Variants in LOXHD1 observed in about 807,000 individuals in gnomAD.
LOXHD1 encodes the protein lipoxygenase homology PLAT domains 1, also known as lipoxygenase homology domain-containing protein 1.
Under a neutral mutation model 248.2 loss-of-function variants are expected in LOXHD1, and 205 were observed. The ratio of observed to expected loss-of-function variants is 0.83; its 90% CI spans 0.74 to 0.93. LOXHD1 has a LOEUF of 0.93. LOXHD1 is among the 40% of genes least tolerant of loss of function. LOXHD1 has a pLI of 0.00. For missense variants in LOXHD1, 2,930 were observed against 2,971.6 expected (o/e 0.99, Z 0.33); for synonymous variants, 1,113 against 1,162.8 (o/e 0.96, Z 0.87).
In LOXHD1 at chr18:46,563,052, C is replaced by T. The variant is rs771082918; in HGVS notation, c.2598+13G>A. 1.2e-5 allele frequency: 18 copies of T among 1,530,042 alleles called. No individual in the cohort carries two copies. Among genetic ancestry groups the T allele is most frequent in the South Asian group, 4.8e-5 (4 of 83,366 alleles). 94.8% of individuals were successfully genotyped at this position (1,530,042 alleles called of 1,614,324 possible). A position where few individuals can be genotyped will look rare whatever the true frequency, so the allele number is the denominator to read the frequency against. ...GCCTGCTGTTGGCACCCCCGCTCCT[C>T]GACCCCACATACCTGGAATGTGTCC... On this transcript the variant is annotated intron_variant, in intron 18 of 40. Transcript: ENST00000642948.
chr18:46,655,377 A>C (rs1237666110), intron 1 of LOXHD1, among the ~76,000 whole-genome samples: 1 of 152,202 alleles, frequency 6.6e-6, no homozygotes, highest in Non-Finnish European at 1.5e-5. Flanking sequence ...TTATGGCCAC[A>C]CTGAGGCATG....
chr18:46,492,829 A>C (rs983748009), intron 37 of LOXHD1, among the ~76,000 whole-genome samples: 2 of 152,336 alleles, frequency 1.3e-5, no homozygotes, highest in Admixed American at 1.3e-4. Flanking sequence ...CATTGAATGC[A>C]CGTATCACCA....
intron 12 of LOXHD1, among the ~76,000 whole-genome samples, chr18:46,589,873 G>A (rs1184971106): frequency 1.3e-5 from 2 of 152,054 alleles, no homozygotes; most frequent in Non-Finnish European, 2.9e-5. Context: ...AGGTTCTTAG[G>A]GGAAAGTCAT....
Position 46,560,210 on chromosome 18 carries a change from C to A in LOXHD1, c.2934G>T (p.Glu978Asp). The A allele has an allele frequency of 6.4e-7, 1 of 1,551,902 alleles. No homozygotes were observed. Among genetic ancestry groups the A allele is most frequent in the Non-Finnish European group, 8.7e-7 (1 of 1,147,044 alleles). Residue 978 changes from glutamate to aspartate, a missense_variant, in exon 19 of 41, where the codon GAG (glutamate) becomes GAT (aspartate). Physicochemically the swap from Glu to Asp is conservative, Grantham distance 45. Coordinates refer to ENST00000642948, the MANE Select transcript of LOXHD1 (RefSeq NM_001384474.1). Reference protein sequence around the residue: ...EEMEEEEEEEEFGPGMQEVIE... With the variant: ...EEMEEEEEEEDFGPGMQEVIE... ...TCACCTCCTGCATCCCCGGCCCAAA[C>A]TCCTCCTCTTCCTCCTCTTCTTCCA... is the stretch of plus-strand genomic sequence containing the variant.
At chr18:46,644,668 G>A (rs75363245) in intron 2 of LOXHD1, among the ~76,000 whole-genome samples, 1,687 of 152,152 alleles carry the variant, frequency 0.011, 25 homozygotes, top group African/African-American at 0.039. Flanking sequence ...CAGTGAGTGA[G>A]CCTTGATCTT....
chr18:46,564,751 AG>A (rs2144048231), intron 17 of LOXHD1, among the ~76,000 whole-genome samples: 1 of 152,250 alleles, frequency 6.6e-6, no homozygotes, highest in Non-Finnish European at 1.5e-5. Context: ...TTATAAAATG[AG>A]GGAAGGAGTT....
At chr18:46,506,158 G>A (rs1197364172) in intron 36 of LOXHD1, 135 bp from the exon 37 acceptor site, 1 of 878,992 alleles carries the variant, frequency 1.1e-6, no homozygotes, top group African/African-American at 1.7e-5. Flanking sequence ...GAAGGCCAGG[G>A]GTGAGGTTGG....
In LOXHD1 at chr18:46,591,970, C is replaced by T. The variant is rs143142227; in HGVS notation, c.1617G>A (p.Met539Ile). The change falls in exon 12 of 41, where the codon ATG becomes ATA. Residue 539 changes from methionine (M) to isoleucine (I), a missense_variant. Coordinates refer to ENST00000642948, the MANE Select transcript of LOXHD1 (RefSeq NM_001384474.1). The part of the protein sequence containing the change: ...NEDDNEIVRE[M>I]TAEGPTVRRI... ...TGCGCACTGTTGGGCCTTCTGCAGT[C>T]ATTTCCCTCACTATCTCATTGTCAT... 430 of 1,552,012 alleles carry T rather than the reference C, an allele frequency of 2.8e-4. 2 individuals are homozygous for T. In the African/African-American group the frequency reaches 5.3e-3, roughly 19 times the overall value.
At chr18:46,651,704 G>A (rs2039114243) in intron 1 of LOXHD1, among the ~76,000 whole-genome samples, 1 of 151,158 alleles carries the variant, frequency 6.6e-6, no homozygotes, top group African/African-American at 2.4e-5. Flanking sequence ...CGAGAGAAAG[G>A]CAAGCCAGAG....
intron 19 of LOXHD1, 31 bp downstream of exon 19, chr18:46,560,052 T>TACCCCCCCCCC: frequency 4.5e-6 from 2 of 441,126 alleles, no homozygotes; most frequent in Non-Finnish European, 7.2e-6. Context: ...GGCCACTCCC[T>TACCCCCCCCCC]CCCCACCCCC....
chr18:46,592,732 A>G, intron 10 of LOXHD1, 148 bp from the exon 11 acceptor site: 1 of 681,214 alleles, frequency 1.5e-6, no homozygotes, highest in East Asian at 2.7e-5. Flanking sequence ...ACCCTCACAT[A>G]TTTTATCTTC....
chr18:46,624,810 T>C (rs2038718017), intron 4 of LOXHD1, among the ~76,000 whole-genome samples: 1 of 152,150 alleles, frequency 6.6e-6, no homozygotes, highest in African/African-American at 2.4e-5. Context: ...TTCTCCCTTC[T>C]CCCTTTCTTC....
chr18:46,611,036 T>C (rs2038500617), intron 5 of LOXHD1, 112 bp from the exon 6 acceptor site: 1 of 1,289,966 alleles, frequency 7.8e-7, no homozygotes, highest in African/African-American at 1.5e-5. Context: ...CAAGGGCAAC[T>C]TCCTCCTGAG....
chr18:46,507,421 A>G, intron 36 of LOXHD1, 117 bp downstream of exon 36: 3 of 1,125,260 alleles, frequency 2.7e-6, no homozygotes, highest in South Asian at 3.0e-5. Flanking sequence ...ACTTGGATTG[A>G]CTAGATTTTG....
chr18:46,578,506 C>T (rs2037902003), intron 13 of LOXHD1, among the ~76,000 whole-genome samples: 1 of 151,658 alleles, frequency 6.6e-6, no homozygotes, highest in Non-Finnish European at 1.5e-5. Context: ...ACCTCCTCTC[C>T]TCAAATGAAC....
Position 46,483,607 on chromosome 18 carries a change from G to A in LOXHD1, c.6321C>T (p.Thr2107=), listed in dbSNP as rs1238383222. 32 of 1,551,534 alleles carry A rather than the reference G, an allele frequency of 2.1e-5. No individual in the cohort carries two copies. Among genetic ancestry groups the A allele is most frequent in the Middle Eastern group, 3.3e-4 (2 of 6,014 alleles). Residue 2107 remains threonine (T), a synonymous_variant, in exon 40 of 41, where the codon ACC becomes ACT. Transcript: ENST00000642948. The part of the protein sequence containing the change: ...LAWHVKTITI[T]EMEYGNVYFF... ...CATACACATTGCCGTACTCCATCTC[G>A]GTGATGGTGATGGTCTTGACATGCC...
chr18:46,507,525 A>G lies in LOXHD1; in HGVS notation c.5692+13T>C. ...GGTAAGGGAGCGGGAGGTGTGAGGG[A>G]CCCCCGACCCACCCAGGATGTCGCT... On this transcript the variant is annotated intron_variant, in intron 36 of 40. Transcript: ENST00000642948. 1 of 1,551,242 alleles carries G rather than the reference A, an allele frequency of 6.4e-7. No homozygotes were observed. The highest frequency in any genetic ancestry group is 8.7e-7 in the Non-Finnish European group (1 of 1,146,854).
intron 1 of LOXHD1, among the ~76,000 whole-genome samples, chr18:46,650,852 C>G (rs1390974837): frequency 6.6e-6 from 1 of 152,148 alleles, no homozygotes; most frequent in Admixed American, 6.5e-5. Context: ...CCACAGAGAC[C>G]TGGATGCAGC....
intron 37 of LOXHD1, among the ~76,000 whole-genome samples, chr18:46,502,579 C>T (rs906651641): frequency 3.3e-5 from 5 of 152,264 alleles, no homozygotes; most frequent in Non-Finnish European, 5.9e-5. Flanking sequence ...CCTGGATCAG[C>T]CTGTGGAGTC....
Sources: allele counts gnomAD v4.1 joint callset (sites outside exome capture counted in the v4.1 genomes callset), GRCh38; gene constraint gnomAD v4.1.1; transcripts MANE v1.5; gene names NCBI Gene and HGNC (gene_info 2026-07-23, HGNC 2026-07-21).